The following PIBF1 variants were observed in gnomAD, a reference collection of about 807,000 sequenced individuals.
The protein encoded by PIBF1 is progesterone immunomodulatory binding factor 1, also known as progesterone-induced-blocking factor 1.
A neutral mutation model predicts 112.5 loss-of-function variants in PIBF1; 90 were observed. The ratio of observed to expected loss-of-function variants is 0.80; its 90% CI spans 0.67 to 0.95. The LOEUF is 0.95. Among genes scored for constraint, PIBF1 ranks in the 40% least tolerant of loss-of-function variants. PIBF1 has a pLI of 0.00. For synonymous variants in PIBF1, 301 were observed against 288.6 expected, an observed-to-expected ratio of 1.04 and a Z score of -0.44; for missense variants, 915 against 852.3, an observed-to-expected ratio of 1.07 and a Z score of -0.92.
intron 10 of PIBF1, among the ~76,000 whole-genome samples, chr13:72,870,876 A>C (rs945212644): frequency 1.3e-5 from 2 of 152,054 alleles, no homozygotes; most frequent in Non-Finnish European, 2.9e-5. Flanking sequence ...AGAGTGTACA[A>C]GTAGATAGGA....
At position 72,932,371 on chromosome 13, in the gene PIBF1, T is replaced by C. The variant is rs949139438; in HGVS notation, c.1833+1104T>C. ...TTTTCTTAAGGATCTGTTTATATTC[T>C]TTAGAGTGTCTTTTCATACTATAAC... On this transcript the variant is annotated intron_variant, in intron 14 of 17. Transcript: ENST00000326291. 2.0e-5 allele frequency among the ~76,000 whole-genome samples: 3 copies of C among 152,218 alleles called. No individual in the cohort carries two copies. In the East Asian group the frequency reaches 5.8e-4, roughly 29 times the overall value.
At chr13:72,836,988 AT>A (rs2037389621) in intron 9 of PIBF1, among the ~76,000 whole-genome samples, 1 of 151,898 alleles carries the variant, frequency 6.6e-6, no homozygotes, top group African/African-American at 2.4e-5. Context: ...TCTTCTGCCT[AT>A]TTTTTCTTGT....
At position 72,866,336 on chromosome 13, in the gene PIBF1, A is replaced by G. The variant is rs531769079; in HGVS notation, c.1322+12181A>G. On this transcript the variant is annotated intron_variant, in intron 10 of 17. Coordinates refer to ENST00000326291, the MANE Select transcript of PIBF1 (RefSeq NM_006346.4). Reference sequence around the variant, plus strand: ...TTGGCAGGGTTGGGGGCACCATTCAACCTACCACATATACCTTTTAATTCA... The same window carrying G: ...TTGGCAGGGTTGGGGGCACCATTCAGCCTACCACATATACCTTTTAATTCA... Among the ~76,000 whole-genome samples, 4 of 152,286 alleles carry G rather than the reference A, an allele frequency of 2.6e-5. No individual in the cohort carries two copies. In the South Asian group the frequency reaches 6.2e-4, roughly 24 times the overall value.
intron 16 of PIBF1, among the ~76,000 whole-genome samples, chr13:72,981,255 A>T (rs2043149454): frequency 6.6e-6 from 1 of 151,614 alleles, no homozygotes; most frequent in African/African-American, 2.4e-5. Context: ...CTGTCTCAAA[A>T]AAAATAAAAT....
At chr13:72,879,446 T>C (rs544129226) in intron 10 of PIBF1, among the ~76,000 whole-genome samples, 123 of 149,892 alleles carry the variant, frequency 8.2e-4, no homozygotes, top group African/African-American at 2.9e-3. Flanking sequence ...AGGAGGGAAT[T>C]GAAATAAACC....
At chr13:72,931,727 T>TATACGTATGC (rs1417564457) in intron 14 of PIBF1, among the ~76,000 whole-genome samples, 2 of 143,824 alleles carry the variant, frequency 1.4e-5, no homozygotes, top group East Asian at 4.2e-4. Flanking sequence ...CGTATATATA[T>TATACGTATGC]ATATATATAT....
At chr13:72,972,044 A>ATTTT (rs2042908397) in intron 15 of PIBF1, among the ~76,000 whole-genome samples, 2 of 133,640 alleles carry the variant, frequency 1.5e-5, no homozygotes, top group African/African-American at 7.2e-5. Flanking sequence ...TTATTTATTT[A>ATTTT]TTTATTTTTT....
At chr13:72,807,404 G>A (rs980016129) in intron 5 of PIBF1, among the ~76,000 whole-genome samples, 25 of 152,126 alleles carry the variant, frequency 1.6e-4, no homozygotes, top group Non-Finnish European at 1.5e-4. Context: ...GCAAAACTCC[G>A]TCTCTATTAA....
At chr13:72,912,113 G>A (rs905228250) in intron 12 of PIBF1, among the ~76,000 whole-genome samples, 4 of 152,166 alleles carry the variant, frequency 2.6e-5, no homozygotes, top group African/African-American at 9.7e-5. Context: ...GCTGGAAAAG[G>A]CAAGGAAACA....
intron 17 of PIBF1, among the ~76,000 whole-genome samples, chr13:73,009,639 G>C (rs1180522518): frequency 6.6e-6 from 1 of 152,204 alleles, no homozygotes; most frequent in Non-Finnish European, 1.5e-5. Flanking sequence ...ACATGACAGT[G>C]ATGGTGAAGT....
chr13:72,961,878 G>C (rs1266511565), intron 14 of PIBF1, among the ~76,000 whole-genome samples: 1 of 151,936 alleles, frequency 6.6e-6, no homozygotes, highest in Non-Finnish European at 1.5e-5. Context: ...GTATATATAA[G>C]TTGATAAAAA....
At chr13:72,829,236 C>T (rs1324735528) in intron 8 of PIBF1, among the ~76,000 whole-genome samples, 1 of 152,122 alleles carries the variant, frequency 6.6e-6, no homozygotes, top group Non-Finnish European at 1.5e-5. Context: ...TTTGCCTATC[C>T]ACCCTAATGA....
intron 10 of PIBF1, among the ~76,000 whole-genome samples, chr13:72,877,989 T>C (rs1205578077): frequency 6.6e-6 from 1 of 152,108 alleles, no homozygotes. Flanking sequence ...CCTCAGGTGA[T>C]CCGCCCACCT....
chr13:72,973,428 A>G (rs112871737), intron 15 of PIBF1, among the ~76,000 whole-genome samples, 163 bp from the exon 16 acceptor site: 1 of 152,306 alleles, frequency 6.6e-6, no homozygotes, highest in African/African-American at 2.4e-5. Flanking sequence ...TAGGCCATTC[A>G]TTGGGCCAAA....
In PIBF1 at chr13:72,991,859, C is replaced by T. The variant is rs981506576; in HGVS notation, c.2050-6963C>T. On this transcript the variant is annotated intron_variant, in intron 16 of 17. Transcript: ENST00000326291. ...TCAGCCTCCCGAGTAGTTGGGACTA[C>T]AGGCGCCCGCCACCTCGCCTGGCTA... 2.0e-5 allele frequency among the ~76,000 whole-genome samples: 3 copies of T among 152,240 alleles called. No individual in the cohort carries two copies. In the East Asian group the frequency reaches 5.8e-4, roughly 29 times the overall value.
chr13:72,829,624 T>C (rs1031629557), intron 8 of PIBF1, among the ~76,000 whole-genome samples: 3 of 152,216 alleles, frequency 2.0e-5, no homozygotes, highest in African/African-American at 7.2e-5. Flanking sequence ...CTCTGTTCTG[T>C]TCCATTGGTC....
intron 10 of PIBF1, among the ~76,000 whole-genome samples, chr13:72,891,962 C>T (rs1441869018): frequency 2.0e-5 from 3 of 151,938 alleles, no homozygotes; most frequent in Non-Finnish European, 2.9e-5. Context: ...TCCATTAATA[C>T]GAAATGTTCA....
intron 16 of PIBF1, among the ~76,000 whole-genome samples, chr13:72,994,996 TTAATA>T (rs1218467634): frequency 1.3e-5 from 2 of 152,050 alleles, no homozygotes; most frequent in Non-Finnish European, 2.9e-5. Context: ...CTGTGAACAC[TTAATA>T]TAATAAAGAG....
chr13:72,916,624 CTACATAAG>C (rs2041105857), intron 12 of PIBF1, among the ~76,000 whole-genome samples: 1 of 151,526 alleles, frequency 6.6e-6, no homozygotes, highest in African/African-American at 2.4e-5. Context: ...ATAGAGTAAC[CTACATAAG>C]TACATAATTT....
Sources: gnomAD v4.1 joint callset for allele counts (sites outside exome capture counted in the v4.1 genomes callset) on GRCh38, gnomAD v4.1.1 for gene constraint, MANE v1.5 for transcripts, NCBI Gene and HGNC (gene_info 2026-07-23, HGNC 2026-07-21) for gene names.